Variants in NCAPG observed in about 807,000 individuals in gnomAD.
The protein encoded by NCAPG is condensin complex subunit 3.
A neutral mutation model predicts 113.1 loss-of-function variants in NCAPG; 69 were observed. The observed-to-expected ratio is 0.61, with a 90% CI of 0.50 to 0.75. NCAPG has a LOEUF of 0.75. Ranked by LOEUF, NCAPG falls within the 30% of genes least tolerant of loss-of-function variation. The pLI, the probability that NCAPG is intolerant of heterozygous loss-of-function variation, is 0.00. For synonymous variants in NCAPG, 370 were observed against 415.8 expected (o/e 0.89, Z 1.34); for missense variants, 1,058 against 1,177.0 (o/e 0.90, Z 1.48).
chr4:17,828,452 T>A, intron 12 of NCAPG, 64 bp downstream of exon 12: 4 of 879,328 alleles, frequency 4.5e-6, no homozygotes, highest in Non-Finnish European at 7.1e-6. Flanking sequence ...AAGTGATATG[T>A]TCTTTAGAAA....
intron 5 of NCAPG, among the ~76,000 whole-genome samples, chr4:17,816,710 C>A (rs1052755873): frequency 1.4e-4 from 22 of 152,138 alleles, no homozygotes; most frequent in African/African-American, 5.3e-4. Context: ...CCATTGAACC[C>A]AGGGGAGAAG....
chr4:17,834,581 A>G, intron 14 of NCAPG, 58 bp downstream of exon 14: 1 of 1,076,840 alleles, frequency 9.3e-7, no homozygotes, highest in Non-Finnish European at 1.3e-6. Flanking sequence ...GTATTTGTTT[A>G]TTATTATTAT....
intron 19 of NCAPG, 171 bp from the exon 20 acceptor site, chr4:17,842,139 C>CT: frequency 1.8e-6 from 1 of 547,192 alleles, no homozygotes; most frequent in South Asian, 2.5e-5. Context: ...GCTTGGGTTC[C>CT]TTTTTCTGTG....
At chr4:17,841,460 T>G (rs1183736482) in intron 19 of NCAPG, 1 of 151,992 alleles carries the variant, frequency 6.6e-6, no homozygotes, top group Non-Finnish European at 1.5e-5. Flanking sequence ...TTGTTCCAAA[T>G]TAGTCCCATA....
rs372649132 is a variant in NCAPG, at chr4:17,823,770, T to C, written c.1383T>C (p.Ile461=). ...TAGATGATAATAAGAGAACACAAAT[T>C]GTAAGTAATTTTCCTCATTGTTGAT... ...IIIDDNKRTQ[I]VTEIISEIRA... is the part of the protein sequence containing the mutation. Residue 461 remains isoleucine (I), a splice_region_variant and synonymous_variant, in exon 9 of 21, where the codon ATT becomes ATC. Transcript: ENST00000251496. 2 of 1,590,056 alleles carry C rather than the reference T, an allele frequency of 1.3e-6. No homozygotes were observed. Among genetic ancestry groups the C allele is most frequent in the African/African-American group, 2.7e-5 (2 of 73,944 alleles).
intron 12 of NCAPG, among the ~76,000 whole-genome samples, chr4:17,828,962 G>C (rs1721765976): frequency 6.6e-6 from 1 of 150,734 alleles, no homozygotes; most frequent in Non-Finnish European, 1.5e-5. Context: ...AAAAAAAAGA[G>C]GATAATTTTA....
At chr4:17,814,449 A>G (rs1721114007) in intron 3 of NCAPG, among the ~76,000 whole-genome samples, 1 of 152,182 alleles carries the variant, frequency 6.6e-6, no homozygotes, top group Non-Finnish European at 1.5e-5. Flanking sequence ...TTCAACTAAA[A>G]TATGTGAGAC....
chr4:17,834,571 G>A (rs1464419551), intron 14 of NCAPG, 48 bp downstream of exon 14: 9 of 1,192,708 alleles, frequency 7.5e-6, no homozygotes, highest in Non-Finnish European at 1.0e-5. Flanking sequence ...TTTTCAGCAT[G>A]TATTTGTTTA....
chr4:17,835,406 G>C (rs555081736), intron 14 of NCAPG, among the ~76,000 whole-genome samples: 10 of 152,170 alleles, frequency 6.6e-5, no homozygotes, highest in African/African-American at 2.4e-4. Flanking sequence ...TGCCCAGGCT[G>C]GTCTTGAACT....
intron 12 of NCAPG, among the ~76,000 whole-genome samples, chr4:17,830,049 C>A (rs1234548267): frequency 2.0e-5 from 3 of 152,080 alleles, no homozygotes; most frequent in Non-Finnish European, 2.9e-5. Flanking sequence ...AGCTGTCAGC[C>A]ACACATGGCT....
rs749289038 is a variant in NCAPG at position 17,826,062 on chromosome 4, T to TA, written c.1653+503dup. Among the ~76,000 whole-genome samples, 19 of 152,272 alleles carry TA rather than the reference T, an allele frequency of 1.2e-4. No individual in the cohort carries two copies. In the East Asian group the frequency reaches 1.5e-3, roughly 12 times the overall value. ...TAATGAAATACTGAAATATGTCTAG[T>TA]AACATTTAAAGCTTGCTTTTCAGTA... is the stretch of plus-strand genomic sequence containing the variant. On this transcript the variant is annotated intron_variant, in intron 11 of 20. Coordinates refer to ENST00000251496, the MANE Select transcript of NCAPG (RefSeq NM_022346.5).
intron 9 of NCAPG, 43 bp from the exon 10 acceptor site, chr4:17,824,925 G>T (rs765243750): frequency 3.6e-6 from 5 of 1,373,678 alleles, no homozygotes; most frequent in Admixed American, 1.9e-5. Context: ...ACTATTTGCT[G>T]ATATATCAAA....
chr4:17,813,994 C>A (rs1404221356), intron 3 of NCAPG, among the ~76,000 whole-genome samples: 1 of 151,896 alleles, frequency 6.6e-6, no homozygotes, highest in African/African-American at 2.4e-5. Context: ...GATAGTCAAC[C>A]TGTACTTAAT....
chr4:17,827,181 C>G (rs951329942), intron 11 of NCAPG, among the ~76,000 whole-genome samples: 2 of 152,136 alleles, frequency 1.3e-5, no homozygotes, highest in Non-Finnish European at 2.9e-5. Flanking sequence ...GTCCATGTGA[C>G]TAGAGAATTG....
chr4:17,837,164 T>C lies in NCAPG; in HGVS notation c.2115T>C (p.Ser705=). 1.2e-6 allele frequency: 2 copies of C among 1,612,920 alleles called. No individual in the cohort carries two copies. Among genetic ancestry groups the C allele is most frequent in the East Asian group, 4.5e-5 (2 of 44,866 alleles). The change falls in exon 15 of 21, where the codon TCT becomes TCC. Residue 705 remains serine (S), a synonymous_variant. Coordinates refer to ENST00000251496, the MANE Select transcript of NCAPG (RefSeq NM_022346.5). ...LLSDFLDSEV[S]ELRTGAAEGL... is the part of the protein sequence containing the mutation. The stretch of plus-strand genomic sequence containing the variant: ...ATGAATGTCATCTTTGTTAGGTATC[T>C]GAACTTAGGACTGGAGCTGCAGAAG...
intron 19 of NCAPG, chr4:17,841,263 A>C (rs954383425): frequency 6.6e-6 from 1 of 152,002 alleles, no homozygotes; most frequent in African/African-American, 2.4e-5. Context: ...GAAGAATCAG[A>C]AAGTACATCC....
rs1445773268 is a variant in NCAPG, at chr4:17,823,130, C to A, written c.1259+7C>A. On this transcript the variant is annotated splice_region_variant and intron_variant, in intron 8 of 20. Transcript: ENST00000251496. ...CCAGTGAAGAAGGAGGAAGGTATGT[C>A]TAAATGTTAACACTCATTCTAATTT... The A allele has an allele frequency of 1.9e-6, 3 of 1,603,832 alleles. No individual in the cohort carries two copies. Among genetic ancestry groups the A allele is most frequent in the South Asian group, 1.1e-5 (1 of 89,110 alleles).
chr4:17,816,413 T>C lies in NCAPG; in HGVS notation c.776-848T>C, dbSNP rs370378474. ...CTGGTACTAGTCCGTGGCCCAGGGG[T>C]TGGGGAGCCTGAGAGAATCTGCTTA... On this transcript the variant is annotated intron_variant, in intron 5 of 20. Transcript: ENST00000251496. Among the ~76,000 whole-genome samples the C allele has an allele frequency of 9.9e-5, 15 of 152,110 alleles. No homozygotes were observed. The East Asian group carries it at 1.5e-3, about 16-fold the overall frequency.
Position 17,837,886 on chromosome 4 carries a change from C to T in NCAPG, c.2466+85C>T. On this transcript the variant is annotated intron_variant, in intron 16 of 20. Transcript: ENST00000251496. ...GATCCCTTGAAATACTGAGGAACTG[C>T]ATTTTGGTCTTTAGACTTCTGTCTC... is the stretch of plus-strand genomic sequence containing the variant. The T allele has an allele frequency of 4.8e-6, 7 of 1,466,864 alleles. No individual in the cohort carries two copies. In the South Asian group the frequency reaches 8.2e-5, roughly 17 times the overall value. The allele number at this position is 1,466,864 out of a possible 1,614,324, so 90.9% of individuals were successfully genotyped here. A position where few individuals can be genotyped will look rare whatever the true frequency, so the allele number is the denominator to read the frequency against.
Sources: allele counts gnomAD v4.1 joint callset (sites outside exome capture counted in the v4.1 genomes callset), GRCh38; gene constraint gnomAD v4.1.1; transcripts MANE v1.5; gene names NCBI Gene and HGNC (gene_info 2026-07-23, HGNC 2026-07-21).